Variants in ERBB3 observed in about 807,000 individuals in gnomAD.
ERBB3 encodes the protein erb-b2 receptor tyrosine kinase 3, also known as receptor tyrosine-protein kinase erbB-3.
ERBB3 carries 96 observed loss-of-function variants against 156.7 expected under a neutral mutation model. The ratio of observed to expected loss-of-function variants is 0.61; its 90% CI spans 0.52 to 0.73. ERBB3 has a LOEUF of 0.73. ERBB3 is among the 30% of genes least tolerant of loss of function. The pLI, the probability that ERBB3 is intolerant of heterozygous loss-of-function variation, is 0.00. For missense variants in ERBB3, 1,406 were observed against 1,709.4 expected (o/e 0.82, Z 3.13); for synonymous variants, 567 against 632.0 (o/e 0.90, Z 1.54).
Position 56,083,817 on chromosome 12 carries a change from A to G in ERBB3, c.149A>G (p.Tyr50Cys). The G allele has an allele frequency of 1.2e-6, 2 of 1,614,082 alleles. No homozygotes were observed. The highest frequency in any genetic ancestry group is 1.7e-6 in the Non-Finnish European group (2 of 1,179,982). Residue 50 changes from tyrosine to cysteine, a missense_variant, in exon 2 of 28, where the codon TAC (tyrosine) becomes TGC (cysteine). Physicochemically the swap from Tyr to Cys is radical, Grantham distance 194 (BLOSUM62 -2). Transcript: ENST00000267101. The stretch of plus-strand genomic sequence containing the variant: ...GCTGAGAACCAATACCAGACACTGT[A>G]CAAGCTCTACGAGAGGTGTGAGGTG... ...GDAENQYQTLYKLYERCEVVM... is the reference protein window; with the variant it reads ...GDAENQYQTLCKLYERCEVVM...
At chr12:56,100,065 C>A in intron 25 of ERBB3, 36 bp downstream of exon 25, 1 of 1,607,810 alleles carries the variant, frequency 6.2e-7, no homozygotes, top group South Asian at 1.1e-5. Context: ...ACTTTGCACC[C>A]TGAGCCCTCA....
chr12:56,085,213 C>T (rs1868437134), intron 3 of ERBB3, 32 bp downstream of exon 3: 3 of 1,614,144 alleles, frequency 1.9e-6, no homozygotes, highest in Non-Finnish European at 2.5e-6. Context: ...CTGGCCTCAC[C>T]CCTCAGCCAG....
chr12:56,084,573 G>A (rs550941832), intron 2 of ERBB3, among the ~76,000 whole-genome samples: 16 of 137,110 alleles, frequency 1.2e-4, no homozygotes, highest in Admixed American at 2.7e-4. Context: ...TGTGCCACTC[G>A]TAACAGAGCG....
chr12:56,085,030 C>T lies in ERBB3; in HGVS notation c.270C>T (p.Ala90=), dbSNP rs2136787982. The T allele has an allele frequency of 6.2e-7, 1 of 1,614,112 alleles. No homozygotes were observed. Among genetic ancestry groups the T allele is most frequent in the Non-Finnish European group, 8.5e-7 (1 of 1,180,010 alleles). Residue 90 remains alanine, a synonymous_variant, in exon 3 of 28, where the codon GCC becomes GCT. Transcript: ENST00000267101. ...IREVTGYVLV[A]MNEFSTLPLP... ...AAGTGACAGGCTATGTCCTCGTGGC[C>T]ATGAATGAATTCTCTACTCTACCAT...
Position 56,101,879 on chromosome 12 carries a change from T to G in ERBB3, c.3853T>G (p.Ser1285Ala), listed in dbSNP as rs1326919034. The change falls in exon 28 of 28, where the codon TCT becomes GCT. Residue 1285 changes from serine (S) to alanine (A), a missense_variant. Ser to Ala is a moderately conservative substitution (Grantham distance 99). This residue lies in a region of ERBB3 where 415 missense variants were observed against 454.1 expected (regional missense o/e 0.91). Transcript: ENST00000267101. ...DYAAMGACPA[S>A]EQGYEEMRAF... ...TGCAGCCATGGGGGCCTGCCCAGCA[T>G]CTGAGCAAGGGTATGAAGAGATGAG... The G allele has an allele frequency of 6.2e-7, 1 of 1,613,368 alleles. No individual in the cohort carries two copies. Among genetic ancestry groups the G allele is most frequent in the South Asian group, 1.1e-5 (1 of 91,026 alleles).
Position 56,097,146 on chromosome 12 carries a change from G to A in ERBB3, c.2376G>A (p.Leu792=), listed in dbSNP as rs755304842. 1 of 1,614,168 alleles carries A rather than the reference G, an allele frequency of 6.2e-7. No individual in the cohort carries two copies. The highest frequency in any genetic ancestry group is 8.5e-7 in the Non-Finnish European group (1 of 1,180,026). ...AGCTTGTCACTCAATATTTGCCTCT[G>A]GGTTCTCTGCTGGATCATGTGAGAC... ...SLQLVTQYLP[L]GSLLDHVRQH... The change falls in exon 20 of 28, where the codon CTG becomes CTA. Residue 792 remains leucine (L), a synonymous_variant. Coordinates refer to ENST00000267101, the MANE Select transcript of ERBB3 (RefSeq NM_001982.4).
In ERBB3 at chr12:56,100,469, C is replaced by G. The variant is rs557858969; in HGVS notation, c.3201+224C>G. 2.6e-4 allele frequency among the ~76,000 whole-genome samples: 39 copies of G among 151,964 alleles called. 2 individuals are homozygous for G. Among genetic ancestry groups the G allele is most frequent in the Admixed American group, 2.2e-3 (34 of 15,264 alleles). On this transcript the variant is annotated intron_variant, in intron 26 of 27. Transcript: ENST00000267101. The stretch of plus-strand genomic sequence containing the variant: ...CCAGCCTGGCCAACATGGTGAAACC[C>G]CGTCTCTACCCAAAATACAAAAATT...
rs773839032 is a variant in ERBB3, at chr12:56,097,227, C to G, written c.2457C>G (p.Ala819=). ...QLLLNWGVQI[A]KGMYYLEEHG... ...TGCTCAACTGGGGAGTACAAATTGC[C>G]AAGGTGAGAGAAGCCTGGAGGAATT... The change falls in exon 20 of 28, where the codon GCC becomes GCG. Residue 819 remains alanine (A), a synonymous_variant. Coordinates refer to ENST00000267101, the MANE Select transcript of ERBB3 (RefSeq NM_001982.4). 6.2e-7 allele frequency: 1 copy of G among 1,613,822 alleles called. No homozygotes were observed. Among genetic ancestry groups the G allele is most frequent in the Non-Finnish European group, 8.5e-7 (1 of 1,179,800 alleles).
rs771520731 is a variant in ERBB3 at position 56,097,837 on chromosome 12, G to A, written c.2513G>A (p.Arg838Gln). 5.0e-6 allele frequency: 8 copies of A among 1,613,918 alleles called. No individual in the cohort carries two copies. The Admixed American group carries it at 5.0e-5, about 10-fold the overall frequency. The change falls in exon 21 of 28, where the codon CGA (arginine) becomes CAA (glutamine). Residue 838 changes from arginine to glutamine, a missense_variant. Transcript: ENST00000267101. ...HGMVHRNLAA[R>Q]NVLLKSPSQV... ...ATGGTGCATAGAAACCTGGCTGCCC[G>A]AAACGTGCTACTCAAGTCACCCAGT...
In ERBB3 at chr12:56,099,863, C is replaced by T. The variant is rs2136825471; in HGVS notation, c.2963C>T (p.Pro988Leu). 6.2e-7 allele frequency: 1 copy of T among 1,614,196 alleles called. No individual in the cohort carries two copies. The highest frequency in any genetic ancestry group is 8.5e-7 in the Non-Finnish European group (1 of 1,180,032). The change falls in exon 25 of 28, where the codon CCT becomes CTT. Residue 988 changes from proline (P) to leucine (L), a missense_variant. Coordinates refer to ENST00000267101, the MANE Select transcript of ERBB3 (RefSeq NM_001982.4). ...IKRESGPGIA[P>L]GPEPHGLTNK... is the part of the protein sequence containing the mutation. ...AGAGAGAGTGGGCCTGGAATAGCCC[C>T]TGGGCCAGAGCCCCATGGTCTGACA... is the stretch of plus-strand genomic sequence containing the variant.
rs79638498 is a variant in ERBB3, at chr12:56,087,877, C to T, written c.696C>T (p.Ala232=). The T allele has an allele frequency of 1.9e-5, 30 of 1,614,002 alleles. No individual in the cohort carries two copies. Among genetic ancestry groups the T allele is most frequent in the Admixed American group, 1.8e-4 (11 of 59,994 alleles). The change falls in exon 6 of 28, where the codon GCC becomes GCT. Residue 232 remains alanine, a synonymous_variant. Transcript: ENST00000267101. ...ACCAGTGCTGCCATGATGAGTGTGC[C>T]GGGGGCTGCTCAGGCCCTCAGGACA... ...NPNQCCHDEC[A]GGCSGPQDTD...
Position 56,093,420 on chromosome 12 carries a change from T to G in ERBB3, c.1350T>G (p.Ser450Arg), listed in dbSNP as rs2136809514. The G allele has an allele frequency of 6.2e-7, 1 of 1,614,104 alleles. No homozygotes were observed. Among genetic ancestry groups the G allele is most frequent in the Non-Finnish European group, 8.5e-7 (1 of 1,180,006 alleles). ...SLGFRSLKEISAGRIYISANR... is the reference protein window; with the variant it reads ...SLGFRSLKEIRAGRIYISANR... ...GCTTCCGATCCCTGAAGGAAATTAG[T>G]GCTGGGCGTATCTATATAAGTGCCA... Residue 450 changes from serine (S) to arginine (R), a missense_variant, in exon 12 of 28, where the codon AGT becomes AGG. Coordinates refer to ENST00000267101, the MANE Select transcript of ERBB3 (RefSeq NM_001982.4).
Position 56,102,316 on chromosome 12 carries a change from G to T in ERBB3, c.*261G>T. ...TGTGCTTTCCCAGTCCCATTCCTCAGCTTCTTCACAGGCACTCCTGGAGAT... is the reference window on the plus strand; with the variant it reads ...TGTGCTTTCCCAGTCCCATTCCTCATCTTCTTCACAGGCACTCCTGGAGAT... On this transcript the variant is annotated 3_prime_UTR_variant, in exon 28 of 28. Coordinates refer to ENST00000267101, the MANE Select transcript of ERBB3 (RefSeq NM_001982.4). The T allele has an allele frequency of 2.0e-6, 1 of 498,742 alleles. No homozygotes were observed. Among genetic ancestry groups the T allele is most frequent in the Non-Finnish European group, 3.6e-6 (1 of 275,114 alleles). The allele number at this position is 498,742 out of a possible 1,614,324, so 30.9% of individuals were successfully genotyped here. A position where few individuals can be genotyped will look rare whatever the true frequency, so the allele number is the denominator to read the frequency against.
At position 56,097,931 on chromosome 12, in the gene ERBB3, T is replaced by C. The variant is rs541947408; in HGVS notation, c.2607T>C (p.Ser869=). 1.0e-4 allele frequency: 169 copies of C among 1,612,928 alleles called. 1 individual carries two copies. In the South Asian group the frequency reaches 1.6e-3, roughly 15 times the overall value. The change falls in exon 21 of 28, where the codon AGT becomes AGC. Residue 869 remains serine, a synonymous_variant. Transcript: ENST00000267101. ...LPPDDKQLLY[S]EAKTPIKWMA... ...CTGATGATAAGCAGCTGCTATACAG[T>C]GAGGCCAAGGTGAGGAGACACAAAG...
Position 56,101,996 on chromosome 12 carries a change from G to A in ERBB3, c.3970G>A (p.Asp1324Asn). 6.2e-7 allele frequency: 1 copy of A among 1,613,524 alleles called. No homozygotes were observed. Among genetic ancestry groups the A allele is most frequent in the Non-Finnish European group, 8.5e-7 (1 of 1,179,986 alleles). The stretch of plus-strand genomic sequence containing the variant: ...CTTAGAGGCTACAGACTCTGCCTTT[G>A]ATAACCCTGATTACTGGCATAGCAG... ...RSLEATDSAF[D>N]NPDYWHSRLF... The change falls in exon 28 of 28, where the codon GAT (aspartate) becomes AAT (asparagine). Residue 1324 changes from aspartate to asparagine, a missense_variant. Asp to Asn is a conservative substitution (Grantham distance 23, BLOSUM62 1). Coordinates refer to ENST00000267101, the MANE Select transcript of ERBB3 (RefSeq NM_001982.4).
At chr12:56,085,616 T>C (rs1193732021) in intron 3 of ERBB3, 1 of 263,006 alleles carries the variant, frequency 3.8e-6, no homozygotes, top group East Asian at 6.6e-5. Flanking sequence ...AATAAAAAAT[T>C]AGCTGGCTAT....
In ERBB3 at chr12:56,088,561, A is replaced by T. The variant is rs1868562880; in HGVS notation, c.893A>T (p.Gln298Leu). Residue 298 changes from glutamine to leucine, a missense_variant, in exon 8 of 28, where the codon CAA becomes CTA. Transcript: ENST00000267101. ...ASCPHNFVVD[Q>L]TSCVRACPPD... ...TCCCTAGATAACTTTGTGGTGGATC[A>T]AACATCCTGTGTCAGGGCCTGTCCT... is the stretch of plus-strand genomic sequence containing the variant. 6.2e-7 allele frequency: 1 copy of T among 1,613,858 alleles called. No individual in the cohort carries two copies. The highest frequency in any genetic ancestry group is 8.5e-7 in the Non-Finnish European group (1 of 1,179,720).
chr12:56,098,478 T>A, intron 21 of ERBB3, 22 bp from the exon 22 acceptor site: 1 of 1,545,908 alleles, frequency 6.5e-7, no homozygotes, highest in Non-Finnish European at 8.9e-7. Context: ...AAACTTGTGA[T>A]ACCTCTATCT....
chr12:56,080,475 C>T (rs1868340995), intron 1 of ERBB3, 93 bp downstream of exon 1: 1 of 1,068,300 alleles, frequency 9.4e-7, no homozygotes, highest in South Asian at 1.4e-5. Flanking sequence ...TCTCAGGCGG[C>T]GCGGGGTTGT....
Sources: gnomAD v4.1 joint callset for allele counts (sites outside exome capture counted in the v4.1 genomes callset) on GRCh38, gnomAD v4.1.1 for gene constraint, gnomAD v4.1.1 regional missense constraint, MANE v1.5 for transcripts, NCBI Gene and HGNC (gene_info 2026-07-23, HGNC 2026-07-21) for gene names.